The following MYOM3 variants were observed in gnomAD, a reference collection of about 807,000 sequenced individuals.
The protein encoded by MYOM3 is myomesin-3.
MYOM3 carries 155 observed loss-of-function variants against 191.7 expected under a neutral mutation model. That is an observed-to-expected ratio of 0.81 (90% CI 0.71 to 0.92). The LOEUF is 0.92. Ranked by LOEUF, MYOM3 falls within the 40% of genes least tolerant of loss-of-function variation. MYOM3 has a pLI of 0.00. For synonymous variants in MYOM3, 757 were observed against 762.9 expected (o/e 0.99, Z 0.13); for missense variants, 1,889 against 1,890.6 (o/e 1.00, Z 0.02).
intron 24 of MYOM3, 45 bp from the exon 25 acceptor site, chr1:24,071,298 C>T (rs1643529878): frequency 1.3e-6 from 2 of 1,571,470 alleles, no homozygotes; most frequent in East Asian, 2.3e-5. Context: ...ACCCCTTCTC[C>T]CTTTCCCGCT....
chr1:24,058,658 T>A (rs908456014), intron 36 of MYOM3, among the ~76,000 whole-genome samples: 1 of 152,204 alleles, frequency 6.6e-6, no homozygotes, highest in Non-Finnish European at 1.5e-5. Context: ...AGTAGACATT[T>A]CTTTTGGACG....
intron 28 of MYOM3, chr1:24,066,248 T>C: frequency 1.4e-6 from 1 of 717,142 alleles, no homozygotes; most frequent in Non-Finnish European, 2.6e-6. Context: ...GAAGCCTTTT[T>C]TTTGAAGCAT....
intron 20 of MYOM3, among the ~76,000 whole-genome samples, chr1:24,079,153 G>T (rs1643636925): frequency 6.6e-6 from 1 of 151,948 alleles, no homozygotes; most frequent in South Asian, 2.1e-4. Flanking sequence ...GTTTTTCTTA[G>T]CCATATAGGA....
chr1:24,063,118 G>GGAC lies in MYOM3; in HGVS notation c.3770+5_3770+7dup. 6.3e-7 allele frequency: 1 copy of GGAC among 1,593,102 alleles called. No individual in the cohort carries two copies. The highest frequency in any genetic ancestry group is 8.6e-7 in the Non-Finnish European group (1 of 1,161,718). ...CCTGGCTGGGGTTCTGGGGCAAGGC[G>GGAC]GACTTACTTGTGGAACCAGGTGGTT... On this transcript the variant is annotated splice_region_variant and intron_variant, in intron 32 of 36. Transcript: ENST00000374434. This position sits in a 1 kb window ranked among gnomAD's most constrained non-coding sequence, Gnocchi z 4.5.
At position 24,085,313 on chromosome 1, in the gene MYOM3, GA is replaced by G. The variant is rs1643725909; in HGVS notation, c.1799-675del. Among the ~76,000 whole-genome samples the G allele has an allele frequency of 3.9e-5, 6 of 152,220 alleles. No individual in the cohort carries two copies. In the South Asian group the frequency reaches 1.0e-3, roughly 26 times the overall value. ...GGATGGATGGATGGATGGATGGATG[GA>G]TGGATGGACAGGTGGATACATGGAT... is the stretch of plus-strand genomic sequence containing the variant. On this transcript the variant is annotated intron_variant, in intron 15 of 36. Coordinates refer to ENST00000374434, the MANE Select transcript of MYOM3 (RefSeq NM_152372.4).
At chr1:24,072,748 T>A (rs1643547902) in intron 23 of MYOM3, among the ~76,000 whole-genome samples, 2 of 152,294 alleles carry the variant, frequency 1.3e-5, no homozygotes, top group South Asian at 4.1e-4. Flanking sequence ...TTGGCCAGGC[T>A]GGTCTTGAAC....
Position 24,082,612 on chromosome 1 carries a change from G to T in MYOM3, c.2073C>A (p.Ile691=), listed in dbSNP as rs753547775. The change falls in exon 17 of 37, where the codon ATC becomes ATA. Residue 691 remains isoleucine, a synonymous_variant. Coordinates refer to ENST00000374434, the MANE Select transcript of MYOM3 (RefSeq NM_152372.4). The part of the protein sequence containing the change: ...VGESSAATEP[I]RVKQALATPS... The stretch of plus-strand genomic sequence containing the variant: ...ACTCACCCAGAGCCTGCTTGACCCT[G>T]ATGGGCTCGGTGGCGGCTGAGCTCT... 2.5e-6 allele frequency: 4 copies of T among 1,609,548 alleles called. No homozygotes were observed. Among genetic ancestry groups the T allele is most frequent in the Middle Eastern group, 1.7e-4 (1 of 6,024 alleles).
chr1:24,107,008 G>T, intron 4 of MYOM3, 65 bp downstream of exon 4: 2 of 1,469,590 alleles, frequency 1.4e-6, no homozygotes, highest in Non-Finnish European at 9.1e-7. Flanking sequence ...GGAAGGGGGT[G>T]AGGATGGCAG....
chr1:24,080,200 A>G lies in MYOM3; in HGVS notation c.2408-6T>C, dbSNP rs945695108. On this transcript the variant is annotated splice_region_variant and splice_polypyrimidine_tract_variant and intron_variant, in intron 19 of 36. Transcript: ENST00000374434. ...CCGTACATCGTACGGGGGGCCTGTG[A>G]CAAGTGAGAGATGGGAAGAGATGTG... is the stretch of plus-strand genomic sequence containing the variant. The G allele has an allele frequency of 6.2e-7, 1 of 1,605,436 alleles. No individual in the cohort carries two copies. Among genetic ancestry groups the G allele is most frequent in the African/African-American group, 1.3e-5 (1 of 74,662 alleles).
rs1331794274 is a variant in MYOM3 at position 24,067,004 on chromosome 1, G to C, written c.3423+17C>G. The C allele has an allele frequency of 3.2e-6, 5 of 1,559,812 alleles. No individual in the cohort carries two copies. The Admixed American group carries it at 5.7e-5, about 18-fold the overall frequency. On this transcript the variant is annotated intron_variant, in intron 28 of 36. Coordinates refer to ENST00000374434, the MANE Select transcript of MYOM3 (RefSeq NM_152372.4). ...CCCCCTGCACTGGGCCTGGGGGCAG[G>C]GCAGGGCAGGACTTGCCTTGCACGT...
rs369059991 is a variant in MYOM3 at position 24,111,219 on chromosome 1, G to A, written c.-19+812C>T. On this transcript the variant is annotated intron_variant, in intron 1 of 36. Coordinates refer to ENST00000374434, the MANE Select transcript of MYOM3 (RefSeq NM_152372.4). This position sits in a 1 kb window ranked among gnomAD's most constrained non-coding sequence, Gnocchi z 4.7. ...AAACTGCCCCCGCTTCCCTCTCTTG[G>A]GGTGCAAAAATCTGGGCCAGAGGTC... Among the ~76,000 whole-genome samples the A allele has an allele frequency of 7.2e-5, 11 of 152,326 alleles. No homozygotes were observed. The East Asian group carries it at 1.7e-3, about 24-fold the overall frequency.
In MYOM3 at chr1:24,094,776, G is replaced by T; in HGVS notation, c.928+77C>A. The T allele has an allele frequency of 2.1e-6, 3 of 1,422,534 alleles. 1 individual carries two copies. The highest frequency in any genetic ancestry group is 2.7e-5 in the South Asian group (2 of 74,464). The allele number at this position is 1,422,534 out of a possible 1,614,324, so 88.1% of individuals were successfully genotyped here. A position where few individuals can be genotyped will look rare whatever the true frequency, so the allele number is the denominator to read the frequency against. The stretch of plus-strand genomic sequence containing the variant: ...GGTTGGGGAGAGTCTCTGTCCGCTA[G>T]GGGTCCTCTCTGGCTCTGAGTTGAG... On this transcript the variant is annotated intron_variant, in intron 9 of 36. Transcript: ENST00000374434.
chr1:24,067,048 C>T lies in MYOM3; in HGVS notation c.3396G>A (p.Glu1132=), dbSNP rs1162764812. 1 of 1,578,106 alleles carries T rather than the reference C, an allele frequency of 6.3e-7. No homozygotes were observed. The highest frequency in any genetic ancestry group is 8.6e-7 in the Non-Finnish European group (1 of 1,159,882). The change falls in exon 28 of 37, where the codon GAG becomes GAA. Residue 1132 remains glutamate, a synonymous_variant. Coordinates refer to ENST00000374434, the MANE Select transcript of MYOM3 (RefSeq NM_152372.4). ...TGCACGTCAGCTGCACTTGGCAGTC[C>T]TCCGTGACCTTCCACTGCAACGGCC... ...FERPLQWKVT[E]DCQVQLTCKV... is the part of the protein sequence containing the mutation.
At chr1:24,106,382 C>T (rs1014268589) in intron 4 of MYOM3, among the ~76,000 whole-genome samples, 12 of 152,042 alleles carry the variant, frequency 7.9e-5, no homozygotes, top group East Asian at 3.9e-4. Flanking sequence ...GTGAAAGACA[C>T]GGCACTGAGA....
At position 24,067,354 on chromosome 1, in the gene MYOM3, T is replaced by TTC. The variant is rs370820378; in HGVS notation, c.3356-268_3356-267dup. Among the ~76,000 whole-genome samples the TTC allele has an allele frequency of 3.0e-3, 212 of 71,708 alleles. 6 individuals are homozygous for TTC. Among genetic ancestry groups the TTC allele is most frequent in the South Asian group, 4.9e-3 (12 of 2,458 alleles). The allele number at this position is 71,708 out of a possible 152,430, so 47.0% of individuals were successfully genotyped here. A position where few individuals can be genotyped will look rare whatever the true frequency, so the allele number is the denominator to read the frequency against. ...TTTCTTTCTTTCTTTCTTTCTTTCT[T>TTC]TCTTTCTTTCTTTCTTTCCTTCTTT... is the stretch of plus-strand genomic sequence containing the variant. On this transcript the variant is annotated intron_variant, in intron 27 of 36. Coordinates refer to ENST00000374434, the MANE Select transcript of MYOM3 (RefSeq NM_152372.4).
Position 24,108,080 on chromosome 1 carries a change from C to G in MYOM3, c.162-7G>C. ...GAACTCATGCTCTTCTTCGCTGCTCCCAGAAGGAGGGGAGTAAATGGCTCT... is the reference window on the plus strand; with the variant it reads ...GAACTCATGCTCTTCTTCGCTGCTCGCAGAAGGAGGGGAGTAAATGGCTCT... On this transcript the variant is annotated splice_polypyrimidine_tract_variant and splice_region_variant and intron_variant, in intron 2 of 36. Coordinates refer to ENST00000374434, the MANE Select transcript of MYOM3 (RefSeq NM_152372.4). 6.2e-7 allele frequency: 1 copy of G among 1,613,038 alleles called. No individual in the cohort carries two copies. Among genetic ancestry groups the G allele is most frequent in the African/African-American group, 1.3e-5 (1 of 75,018 alleles).
At chr1:24,089,254 G>A (rs1643783170) in intron 14 of MYOM3, among the ~76,000 whole-genome samples, 1 of 152,208 alleles carries the variant, frequency 6.6e-6, no homozygotes, top group Admixed American at 6.5e-5. Context: ...GAGGTACCCA[G>A]GAAGTGGTGG....
At chr1:24,092,366 GA>G in intron 10 of MYOM3, 51 bp from the exon 11 acceptor site, 1 of 1,331,044 alleles carries the variant, frequency 7.5e-7, no homozygotes, top group Non-Finnish European at 9.7e-7. Context: ...GCCATTTGGT[GA>G]CAGGCCCTTC....
intron 20 of MYOM3, among the ~76,000 whole-genome samples, chr1:24,078,507 A>C (rs1643629135): frequency 6.6e-6 from 1 of 152,188 alleles, no homozygotes; most frequent in Non-Finnish European, 1.5e-5. Flanking sequence ...ATTCTTTGCC[A>C]TTGTTACGGG....
Sources: allele counts gnomAD v4.1 joint callset (sites outside exome capture counted in the v4.1 genomes callset), GRCh38; gene constraint gnomAD v4.1.1; non-coding constraint Gnocchi (gnomAD v3.1); transcripts MANE v1.5; gene names NCBI Gene and HGNC (gene_info 2026-07-23, HGNC 2026-07-21).